The following KAZN variants were observed in gnomAD, a reference collection of about 807,000 sequenced individuals.
KAZN encodes the protein kazrin.
In KAZN, 40 loss-of-function variants were observed where a neutral mutation model predicts 87.4. The ratio of observed to expected loss-of-function variants is 0.46; its 90% confidence interval spans 0.36 to 0.60. KAZN has a LOEUF of 0.60. KAZN is among the 20% of genes least tolerant of loss of function. The pLI is 0.00. For synonymous variants in KAZN, 466 were observed against 458.3 expected, an observed-to-expected ratio of 1.02 and a Z score of -0.22; for missense variants, 898 against 1,073.9, an observed-to-expected ratio of 0.84 and a Z score of 2.29.
intron 1 of KAZN, among the ~76,000 whole-genome samples, chr1:14,661,555 TTACA>T (rs1448833834): frequency 6.6e-6 from 1 of 151,956 alleles, no homozygotes; most frequent in Admixed American, 6.6e-5. Context: ...AAAACTTTAT[TTACA>T]AGAACAGGTG....
intron 1 of KAZN, among the ~76,000 whole-genome samples, chr1:13,985,388 G>C (rs969212961): frequency 6.6e-6 from 1 of 151,468 alleles, no homozygotes; most frequent in African/African-American, 2.4e-5. Context: ...AAAAAATGAT[G>C]AGTTCATGTC....
At position 15,077,492 on chromosome 1, in the gene KAZN, G is replaced by C. The variant is rs1041199818; in HGVS notation, c.1222+11739G>C. Among the ~76,000 whole-genome samples the C allele has an allele frequency of 2.0e-5, 3 of 152,234 alleles. No individual in the cohort carries two copies. The highest frequency in any genetic ancestry group is 2.9e-5 in the Non-Finnish European group (2 of 68,038). ...GAGTGGCAGTGGAGAAGGGAAAAGG[G>C]GTCTTCGCTCAGCACTGCCCTCGGA... On this transcript the variant is annotated intron_variant, in intron 8 of 14. Transcript: ENST00000376030. The surrounding 1 kb of genome is among the most constrained non-coding windows in gnomAD (Gnocchi z 4.8).
chr1:14,689,387 C>T (rs1374372530), intron 1 of KAZN, among the ~76,000 whole-genome samples: 2 of 152,126 alleles, frequency 1.3e-5, no homozygotes, highest in African/African-American at 4.8e-5. Flanking sequence ...CCCATTCGCT[C>T]CTGATTGTAG....
chr1:15,107,208 T>C (rs1641326161), intron 13 of KAZN, among the ~76,000 whole-genome samples: 1 of 152,184 alleles, frequency 6.6e-6, no homozygotes, highest in Non-Finnish European at 1.5e-5. Context: ...GAGCAGGCAC[T>C]TGGGTGATCC....
intron 2 of KAZN, among the ~76,000 whole-genome samples, chr1:15,013,849 C>T (rs1197978717): frequency 2.0e-5 from 3 of 151,786 alleles, no homozygotes; most frequent in Admixed American, 6.6e-5. Flanking sequence ...GAGTGAGCCA[C>T]GTGCATGGGA....
At chr1:14,840,889 G>A (rs1647887091) in intron 1 of KAZN, among the ~76,000 whole-genome samples, 1 of 152,182 alleles carries the variant, frequency 6.6e-6, no homozygotes, top group African/African-American at 2.4e-5. Context: ...CAGGATGCCA[G>A]ATACCAAAGG....
chr1:14,660,102 A>G (rs1639054383), intron 1 of KAZN, among the ~76,000 whole-genome samples: 1 of 152,070 alleles, frequency 6.6e-6, no homozygotes, highest in Non-Finnish European at 1.5e-5. Context: ...TGATAATGCG[A>G]TTAGGGCCTG....
At chr1:14,534,545 T>C (rs1672379669) in intron 2 of KAZN, among the ~76,000 whole-genome samples, 1 of 152,094 alleles carries the variant, frequency 6.6e-6, no homozygotes, top group South Asian at 2.1e-4. Flanking sequence ...CTGGGGAGGC[T>C]GAGGCAGGAG....
intron 2 of KAZN, among the ~76,000 whole-genome samples, chr1:14,257,955 AC>A (rs71570192): frequency 0.21 from 22,467 of 109,424 alleles, 2,447 homozygotes; most frequent in Middle Eastern, 0.32. Context: ...AAAAAAAAAA[AC>A]ATTAAAAAAA....
chr1:13,943,685 C>A (rs1009734), intron 1 of KAZN, among the ~76,000 whole-genome samples: 77,435 of 151,546 alleles, frequency 0.51, 20,142 homozygotes, highest in Admixed American at 0.59. Flanking sequence ...TAGTTATTGG[C>A]AAATCTAAAT....
At chr1:14,881,942 T>C (rs749338937) in intron 1 of KAZN, among the ~76,000 whole-genome samples, 1 of 152,232 alleles carries the variant, frequency 6.6e-6, no homozygotes, top group African/African-American at 2.4e-5. Flanking sequence ...GCCTGTTCTC[T>C]ACTCCTCCTG....
At chr1:14,921,854 G>A (rs1314833998) in intron 1 of KAZN, among the ~76,000 whole-genome samples, 2 of 152,198 alleles carry the variant, frequency 1.3e-5, no homozygotes, top group African/African-American at 4.8e-5. Context: ...TGGGATTACA[G>A]GTGTGTGCCA....
At chr1:14,469,542 G>C (rs1000668004) in intron 2 of KAZN, among the ~76,000 whole-genome samples, 8 of 152,176 alleles carry the variant, frequency 5.3e-5, no homozygotes. Context: ...CAGTTTATCA[G>C]TGAAGATGGC....
intron 1 of KAZN, among the ~76,000 whole-genome samples, chr1:13,921,799 T>A (rs78119563): frequency 0.09 from 13,629 of 151,974 alleles, 808 homozygotes; most frequent in South Asian, 0.2. Context: ...ACCTGGCTAA[T>A]GTTTTGTATT....
intron 1 of KAZN, among the ~76,000 whole-genome samples, chr1:14,133,243 T>C (rs994072501): frequency 6.6e-6 from 1 of 151,762 alleles, no homozygotes; most frequent in Non-Finnish European, 1.5e-5. Context: ...GGTGAGCACC[T>C]GTAATCCCAG....
At chr1:14,524,169 GCA>G (rs1671742579) in intron 2 of KAZN, among the ~76,000 whole-genome samples, 2 of 151,996 alleles carry the variant, frequency 1.3e-5, no homozygotes, top group Non-Finnish European at 2.9e-5. Context: ...TTACAGGCAT[GCA>G]CCACCACGCC....
chr1:14,433,263 CA>C (rs1315043602), intron 2 of KAZN, among the ~76,000 whole-genome samples: 33 of 152,350 alleles, frequency 2.2e-4, no homozygotes, highest in Admixed American at 1.4e-3. Flanking sequence ...CCACCCCCCA[CA>C]GAGACAACTG....
At chr1:14,792,678 A>G (rs1451709225) in intron 1 of KAZN, among the ~76,000 whole-genome samples, 1 of 152,164 alleles carries the variant, frequency 6.6e-6, no homozygotes, top group Non-Finnish European at 1.5e-5. Context: ...AGCAGCGTGC[A>G]TTTAAGGTCC....
At chr1:14,720,656 T>G (rs1052498699) in intron 1 of KAZN, among the ~76,000 whole-genome samples, 3 of 152,238 alleles carry the variant, frequency 2.0e-5, no homozygotes, top group African/African-American at 7.2e-5. Context: ...CCTCTTATCA[T>G]TCTTACAGAC....
Sources: allele counts gnomAD v4.1 joint callset (sites outside exome capture counted in the v4.1 genomes callset), GRCh38; gene constraint gnomAD v4.1.1; non-coding constraint Gnocchi (gnomAD v3.1); transcripts MANE v1.5; gene names NCBI Gene and HGNC (gene_info 2026-07-23, HGNC 2026-07-21).